The following PYROXD1 variants were observed in gnomAD, a reference collection of about 807,000 sequenced individuals.
PYROXD1 encodes tRNA ligase complex-associated NAD(P)H dehydrogenase PYROXD1.
In PYROXD1, 42 loss-of-function variants were observed where a neutral mutation model predicts 62.0. The ratio of observed to expected loss-of-function variants is 0.68; its 90% confidence interval spans 0.53 to 0.88. PYROXD1 has a LOEUF of 0.88. Among genes scored for constraint, PYROXD1 ranks in the 40% least tolerant of loss-of-function variants. The pLI, the probability that PYROXD1 is intolerant of heterozygous loss-of-function variation, is 0.00. For synonymous variants in PYROXD1, 170 were observed against 206.4 expected (o/e 0.82, Z 1.51); for missense variants, 493 against 604.8 (o/e 0.82, Z 1.94).
chr12:21,454,598 A>C (rs1942561498), intron 5 of PYROXD1, among the ~76,000 whole-genome samples: 1 of 151,960 alleles, frequency 6.6e-6, no homozygotes, highest in Non-Finnish European at 1.5e-5. Context: ...TCCTTCCTCT[A>C]AGATCCTTGA....
chr12:21,449,391 T>G (rs1942449955), intron 3 of PYROXD1, among the ~76,000 whole-genome samples, 172 bp from the exon 4 acceptor site: 1 of 152,202 alleles, frequency 6.6e-6, no homozygotes, highest in Non-Finnish European at 1.5e-5. Flanking sequence ...TTAGTACATG[T>G]ATTCTCATGC....
chr12:21,449,931 C>G (rs574314484), intron 4 of PYROXD1, among the ~76,000 whole-genome samples: 1 of 151,116 alleles, frequency 6.6e-6, no homozygotes, highest in African/African-American at 2.4e-5. Flanking sequence ...AGTCTCGGCT[C>G]ACTGCAAGCT....
At chr12:21,449,209 G>A (rs1267094777) in intron 3 of PYROXD1, among the ~76,000 whole-genome samples, 1 of 152,096 alleles carries the variant, frequency 6.6e-6, no homozygotes, top group South Asian at 2.1e-4. Flanking sequence ...AAAATTTCTT[G>A]AAGTTTTGTT....
chr12:21,457,098 C>A (rs1344340675), intron 7 of PYROXD1: 9 of 264,914 alleles, frequency 3.4e-5, no homozygotes, highest in South Asian at 2.4e-4. Flanking sequence ...TTGGAGTAAA[C>A]TTCTTTCAAG....
At position 21,470,721 on chromosome 12, in the gene PYROXD1, T is replaced by C. The variant is rs2137309757; in HGVS notation, c.*1967T>C. ...GAGCAGAGTGCATAACAAAATTAGA[T>C]ATTCAAACGGAGTCCTCCCATTCCA... On this transcript the variant is annotated 3_prime_UTR_variant, in exon 12 of 12. Transcript: ENST00000240651. 1 of 330,100 alleles carries C rather than the reference T, an allele frequency of 3.0e-6. No individual in the cohort carries two copies. Among genetic ancestry groups the C allele is most frequent in the East Asian group, 5.4e-5 (1 of 18,620 alleles). 20.4% of individuals were successfully genotyped at this position (330,100 alleles called of 1,614,324 possible).
At chr12:21,460,993 T>G (rs1262118571) in intron 7 of PYROXD1, 32 bp from the exon 8 acceptor site, 1 of 1,377,410 alleles carries the variant, frequency 7.3e-7, no homozygotes, top group Non-Finnish European at 9.8e-7. Context: ...TTTCTGTAAG[T>G]ATTATGCTAA....
chr12:21,460,563 A>C (rs1267790031), intron 7 of PYROXD1, among the ~76,000 whole-genome samples: 1 of 151,866 alleles, frequency 6.6e-6, no homozygotes, highest in Non-Finnish European at 1.5e-5. Context: ...AGCTGGGACT[A>C]CAGGCGCACA....
intron 10 of PYROXD1, among the ~76,000 whole-genome samples, 164 bp downstream of exon 10, chr12:21,463,026 G>A (rs527552060): frequency 3.3e-4 from 50 of 152,206 alleles, no homozygotes; most frequent in Non-Finnish European, 5.4e-4. Flanking sequence ...ATATTTCCCT[G>A]TTTGGTAAGT....
chr12:21,439,406 G>A (rs1331059873), intron 1 of PYROXD1, among the ~76,000 whole-genome samples: 1 of 152,038 alleles, frequency 6.6e-6, no homozygotes, highest in African/African-American at 2.4e-5. Flanking sequence ...AATATACAGA[G>A]GAAAGAAAGA....
chr12:21,461,959 G>A, intron 8 of PYROXD1, 49 bp from the exon 9 acceptor site: 1 of 1,111,804 alleles, frequency 9.0e-7, no homozygotes, highest in South Asian at 1.3e-5. Flanking sequence ...CTGTGGTGAT[G>A]GTTCCATTTA....
intron 1 of PYROXD1, among the ~76,000 whole-genome samples, chr12:21,439,445 A>G (rs1464836543): frequency 6.6e-6 from 1 of 152,200 alleles, no homozygotes; most frequent in East Asian, 1.9e-4. Flanking sequence ...TGTCAAATAT[A>G]GAAAGTTCAA....
chr12:21,461,088 T>A lies in PYROXD1; in HGVS notation c.814T>A (p.Phe272Ile), dbSNP rs1942689581. Residue 272 changes from phenylalanine (F) to isoleucine (I), a missense_variant, in exon 8 of 12, where the codon TTT (phenylalanine) becomes ATT (isoleucine). Around this residue, in one of 2 missense-constraint regions of PYROXD1, gnomAD observed 329 missense variants for 446.6 expected, o/e 0.74. Transcript: ENST00000240651. ...EVKKIYLQDEFRILKKKSFTF... is the reference protein window; with the variant it reads ...EVKKIYLQDEIRILKKKSFTF... ...AAAGAAAATCTACCTTCAGGATGAG[T>A]TTAGAATTTTGAAGAAAAAGTCCTT... is the stretch of plus-strand genomic sequence containing the variant. 6.3e-7 allele frequency: 1 copy of A among 1,586,328 alleles called. No individual in the cohort carries two copies. Among genetic ancestry groups the A allele is most frequent in the Non-Finnish European group, 8.6e-7 (1 of 1,164,766 alleles).
rs1316186272 is a variant in PYROXD1, at chr12:21,462,192, C to T, written c.993+72C>T. On this transcript the variant is annotated intron_variant, in intron 9 of 11. Coordinates refer to ENST00000240651, the MANE Select transcript of PYROXD1 (RefSeq NM_024854.5). The stretch of plus-strand genomic sequence containing the variant: ...TTTGTGAAGATCTCTAATTCTCAAA[C>T]ATGAATAATTATTATTTTAGTGTAC... 13 of 807,926 alleles carry T rather than the reference C, an allele frequency of 1.6e-5. No homozygotes were observed. In the East Asian group the frequency reaches 3.1e-4, roughly 19 times the overall value. 50.0% of individuals were successfully genotyped at this position (807,926 alleles called of 1,614,324 possible).
Position 21,471,003 on chromosome 12 carries a change from A to T in PYROXD1, c.*2249A>T, listed in dbSNP as rs371403952. On this transcript the variant is annotated 3_prime_UTR_variant, in exon 12 of 12. Transcript: ENST00000240651. ...GTTCTGCGTGGACTTTGTCACTTGC[A>T]TAGTAATAGCATGTGCCTCATTGTT... 23 of 1,569,380 alleles carry T rather than the reference A, an allele frequency of 1.5e-5. No homozygotes were observed. Among genetic ancestry groups the T allele is most frequent in the Admixed American group, 9.8e-5 (5 of 50,886 alleles).
chr12:21,462,646 A>T (rs775540738), intron 9 of PYROXD1, 94 bp from the exon 10 acceptor site: 18 of 1,395,348 alleles, frequency 1.3e-5, no homozygotes, highest in Non-Finnish European at 1.6e-5. Context: ...ATGAGCATGC[A>T]AAGTGTAACA....
At chr12:21,440,569 G>A (rs905140098) in intron 2 of PYROXD1, 121 bp downstream of exon 2, 4 of 572,198 alleles carry the variant, frequency 7.0e-6, no homozygotes, top group Admixed American at 6.9e-5. Flanking sequence ...GTTATATGCT[G>A]TACAACATGA....
intron 2 of PYROXD1, among the ~76,000 whole-genome samples, chr12:21,443,878 A>G (rs1243742200): frequency 1.3e-5 from 2 of 152,326 alleles, no homozygotes; most frequent in East Asian, 1.9e-4. Context: ...AGGTATAGCC[A>G]AAGAGTTATG....
intron 11 of PYROXD1, 97 bp downstream of exon 11, chr12:21,467,715 T>C (rs1283790069): frequency 1.1e-6 from 1 of 938,546 alleles, no homozygotes; most frequent in Non-Finnish European, 1.6e-6. Context: ...ACGTACATAG[T>C]TTTAATCATC....
At chr12:21,468,429 A>G (rs1942842529) in intron 11 of PYROXD1, 77 bp from the exon 12 acceptor site, 3 of 1,371,926 alleles carry the variant, frequency 2.2e-6, no homozygotes, top group Non-Finnish European at 1.0e-6. Flanking sequence ...CGGCTATTCA[A>G]ACTTGACACA....
Sources: gnomAD v4.1 joint callset for allele counts (sites outside exome capture counted in the v4.1 genomes callset) on GRCh38, gnomAD v4.1.1 for gene constraint, gnomAD v4.1.1 regional missense constraint, MANE v1.5 for transcripts, NCBI Gene and HGNC (gene_info 2026-07-23, HGNC 2026-07-21) for gene names.